ZNF362: variants seen among roughly 807,000 people sequenced by gnomAD.
ZNF362 encodes the protein rotund homolog.
A neutral mutation model predicts 42.9 loss-of-function variants in ZNF362; 11 were observed. That is an observed-to-expected ratio of 0.26 (90% confidence interval 0.16 to 0.42). The LOEUF (loss-of-function observed/expected upper bound fraction) is 0.42, where lower values mean the gene tolerates loss of function less well. ZNF362 is among the 20% of genes least tolerant of loss of function. The probability of loss-of-function intolerance (pLI) is 1.00; values close to 1 mark genes in which losing one functional copy is unlikely to be tolerated. For synonymous variants in ZNF362, 255 were observed against 257.3 expected, an observed-to-expected ratio of 0.99 and a Z score of 0.09; for missense variants, 362 against 576.2, an observed-to-expected ratio of 0.63 and a Z score of 3.81.
At chr1:33,181,355 G>T in the ZNF362 span, 1 of 1,592,376 alleles carries the variant, frequency 6.3e-7, no homozygotes, top group Non-Finnish European at 8.5e-7. This position sits in a 1 kb window ranked among gnomAD's most constrained non-coding sequence, Gnocchi z 6.5. Flanking sequence ...AGTAATGCTC[G>T]CAGCCCAGGC....
the ZNF362 span, chr1:33,143,314 G>A: frequency 1.3e-5 from 2 of 152,496 alleles, no homozygotes; most frequent in Admixed American, 1.3e-4. Context: ...AGCTGCTGCT[G>A]AGGCTGAGTG....
the ZNF362 span, among the ~76,000 whole-genome samples, chr1:33,225,273 C>T: frequency 6.6e-6 from 1 of 152,134 alleles, no homozygotes; most frequent in African/African-American, 2.4e-5. Context: ...TGGTAACACA[C>T]TTATTCCACC....
chr1:33,181,936 C>T, the ZNF362 span: 1 of 157,526 alleles, frequency 6.3e-6, no homozygotes, highest in Non-Finnish European at 1.4e-5. This position sits in a 1 kb window ranked among gnomAD's most constrained non-coding sequence, Gnocchi z 6.5. Flanking sequence ...AGGAGGGGTG[C>T]CGGCCCGCTC....
Position 33,281,644 on chromosome 1 carries a change from G to A in ZNF362, c.741G>A (p.Lys247=), listed in dbSNP as rs760474168. 60 of 1,614,108 alleles carry A rather than the reference G, an allele frequency of 3.7e-5. No individual in the cohort carries two copies. Among genetic ancestry groups the A allele is most frequent in the Non-Finnish European group, 4.0e-5 (47 of 1,180,048 alleles). The part of the protein sequence containing the change: ...FTKSEMQIHS[K]SHTEAKPHKC... ...AGTCAGAGATGCAGATCCACTCCAA[G>A]TCGCACACAGAGGCCAAGCCCCACA... Residue 247 remains lysine, a synonymous_variant, in exon 6 of 9, where the codon AAG becomes AAA. Coordinates refer to ENST00000539719, the MANE Select transcript of ZNF362 (RefSeq NM_152493.3). This position sits in a 1 kb window ranked among gnomAD's most constrained non-coding sequence, Gnocchi z 4.8.
At chr1:33,177,657 G>T in the ZNF362 span, among the ~76,000 whole-genome samples, 1 of 152,144 alleles carries the variant, frequency 6.6e-6, no homozygotes, top group African/African-American at 2.4e-5. This position sits in a 1 kb window ranked among gnomAD's most constrained non-coding sequence, Gnocchi z 4.1. Flanking sequence ...GGTTTTGATT[G>T]TCACAACTTG....
At chr1:33,193,004 C>CACATATATATATAT in the ZNF362 span, among the ~76,000 whole-genome samples, 2 of 137,182 alleles carry the variant, frequency 1.5e-5, no homozygotes, top group East Asian at 2.2e-4. Context: ...CACACACACA[C>CACATATATATATAT]ATATATATAT....
chr1:33,227,423 G>A, the ZNF362 span, among the ~76,000 whole-genome samples: 1 of 152,046 alleles, frequency 6.6e-6, no homozygotes. Flanking sequence ...TGCTCAGAAC[G>A]CAACTGCCAT....
At chr1:33,269,894 T>C (rs969874718) in intron 1 of ZNF362, among the ~76,000 whole-genome samples, 19 of 152,164 alleles carry the variant, frequency 1.2e-4, no homozygotes. Flanking sequence ...GCACCTGATG[T>C]ACACCTTCCT....
At chr1:33,264,253 G>T (rs1382082809) in intron 1 of ZNF362, among the ~76,000 whole-genome samples, 1 of 152,138 alleles carries the variant, frequency 6.6e-6, no homozygotes, top group Middle Eastern at 3.2e-3. Flanking sequence ...TTGCCAGTCA[G>T]AAGAATGGTC....
At chr1:33,218,865 G>A in the ZNF362 span, among the ~76,000 whole-genome samples, 6 of 151,410 alleles carry the variant, frequency 4.0e-5, no homozygotes, top group Non-Finnish European at 7.4e-5. Context: ...TCTGGTCAGT[G>A]GAGGGCAGCA....
the ZNF362 span, among the ~76,000 whole-genome samples, chr1:33,189,722 T>TATAC: frequency 9.7e-6 from 1 of 102,962 alleles, no homozygotes; most frequent in African/African-American, 4.0e-5. Context: ...TATATATACA[T>TATAC]ACACACATAC....
At chr1:33,219,830 G>A in the ZNF362 span, among the ~76,000 whole-genome samples, 1 of 152,126 alleles carries the variant, frequency 6.6e-6, no homozygotes, top group Non-Finnish European at 1.5e-5. Context: ...AGGGATCAGA[G>A]CTGCTCTAGA....
the ZNF362 span, among the ~76,000 whole-genome samples, chr1:33,174,169 G>T: frequency 1.3e-5 from 2 of 149,670 alleles, no homozygotes; most frequent in Non-Finnish European, 3.0e-5. Context: ...CTTAGGCACA[G>T]TTTCTGTTTT....
chr1:33,184,506 G>A, the ZNF362 span, among the ~76,000 whole-genome samples: 1 of 152,174 alleles, frequency 6.6e-6, no homozygotes, highest in African/African-American at 2.4e-5. Context: ...AATAGAAATA[G>A]ACCTTAAGGC....
rs1645997860 is a variant in ZNF362 at position 33,281,964 on chromosome 1, G to A, written c.908+153G>A. ...CTTGTGGACCTCACTGGCCTCAGCT[G>A]TTGTTACTGCACCCCGTCCCCACTG... On this transcript the variant is annotated intron_variant, in intron 6 of 8. Transcript: ENST00000539719. The surrounding 1 kb of genome is among the most constrained non-coding windows in gnomAD (Gnocchi z 4.8). The A allele has an allele frequency of 4.4e-6, 3 of 688,184 alleles. No homozygotes were observed. The highest frequency in any genetic ancestry group is 3.6e-5 in the African/African-American group (2 of 55,802). 42.6% of individuals were successfully genotyped at this position (688,184 alleles called of 1,614,324 possible).
chr1:33,181,021 G>A, the ZNF362 span: 1 of 1,576,484 alleles, frequency 6.3e-7, no homozygotes, highest in Non-Finnish European at 8.6e-7. The surrounding 1 kb of genome is among the most constrained non-coding windows in gnomAD (Gnocchi z 6.5). Flanking sequence ...GCCGGGTAGC[G>A]CACCTGCAGC....
the ZNF362 span, among the ~76,000 whole-genome samples, chr1:33,245,107 C>T: frequency 6.6e-6 from 1 of 152,086 alleles, no homozygotes; most frequent in African/African-American, 2.4e-5. Flanking sequence ...CAGGGCTTCT[C>T]CTTCGCAGGG....
In ZNF362 at chr1:33,294,913, A is replaced by G; in HGVS notation, c.909-24A>G. The G allele has an allele frequency of 6.2e-7, 1 of 1,613,704 alleles. No individual in the cohort carries two copies. The highest frequency in any genetic ancestry group is 8.5e-7 in the Non-Finnish European group (1 of 1,179,842). ...CTTGGGGTGTGTGTCAGGGACTTCGACCTTACTGGGCTGCCCATTACAGAA... is the reference window on the plus strand; with the variant it reads ...CTTGGGGTGTGTGTCAGGGACTTCGGCCTTACTGGGCTGCCCATTACAGAA... On this transcript the variant is annotated intron_variant, in intron 6 of 8. Coordinates refer to ENST00000539719, the MANE Select transcript of ZNF362 (RefSeq NM_152493.3). The surrounding 1 kb of genome is among the most constrained non-coding windows in gnomAD (Gnocchi z 4.2).
At chr1:33,256,365 C>T (rs992746672), upstream of ZNF362, among the ~76,000 whole-genome samples, 2 of 143,284 alleles carry the variant, frequency 1.4e-5, no homozygotes, top group African/African-American at 2.5e-5. Context: ...AGGCGGGGGC[C>T]CGACGCGGCC....
Sources: gnomAD v4.1 joint callset for allele counts (sites outside exome capture counted in the v4.1 genomes callset) on GRCh38, gnomAD v4.1.1 for gene constraint, Gnocchi (gnomAD v3.1) non-coding constraint, MANE v1.5 for transcripts, NCBI Gene and HGNC (gene_info 2026-07-23, HGNC 2026-07-21) for gene names.